PHACTR1: variants seen among roughly 807,000 people sequenced by gnomAD.
PHACTR1 encodes the protein RPEL repeat containing 1.
In PHACTR1, 16 loss-of-function variants were observed where a neutral mutation model predicts 69.2. That is an observed-to-expected ratio of 0.23 (90% CI 0.16 to 0.35). The LOEUF is 0.35. Among genes scored for constraint, PHACTR1 ranks in the 10% least tolerant of loss-of-function variants. The pLI is 1.00. For synonymous variants in PHACTR1, 312 were observed against 284.5 expected, an observed-to-expected ratio of 1.10 and a Z score of -0.97; for missense variants, 510 against 734.7, an observed-to-expected ratio of 0.69 and a Z score of 3.54.
chr6:12,728,669 C>A (rs766505137), intron 3 of PHACTR1, among the ~76,000 whole-genome samples: 1 of 152,032 alleles, frequency 6.6e-6, no homozygotes, highest in Non-Finnish European at 1.5e-5. Flanking sequence ...ATTAAATGAA[C>A]CATAGTTTCA....
rs532075887 is a variant in PHACTR1, at chr6:12,834,166, TTTAC to T, written c.250+84380_250+84383del. ...ATTCCCCTAAGATATTTGACAAGAC[TTTAC>T]TTATTCTTTCCATTGATGCGTATCA... On this transcript the variant is annotated intron_variant, in intron 4 of 14. Coordinates refer to ENST00000332995, the MANE Select transcript of PHACTR1 (RefSeq NM_030948.6). 1.2e-4 allele frequency among the ~76,000 whole-genome samples: 19 copies of T among 152,308 alleles called. No individual in the cohort carries two copies. In the South Asian group the frequency reaches 3.7e-3, roughly 30 times the overall value.
At chr6:13,065,548 A>G (rs1808495006) in intron 5 of PHACTR1, among the ~76,000 whole-genome samples, 1 of 152,144 alleles carries the variant, frequency 6.6e-6, no homozygotes, top group Non-Finnish European at 1.5e-5. Context: ...GTTGAGGAGT[A>G]AATGAGAGGA....
Position 12,905,293 on chromosome 6 carries a change from A to G in PHACTR1, c.251-148072A>G, listed in dbSNP as rs1417629414. Among the ~76,000 whole-genome samples the G allele has an allele frequency of 3.8e-4, 58 of 152,356 alleles. 2 individuals are homozygous for G. Among genetic ancestry groups the G allele is most frequent in the East Asian group, 3.9e-4 (2 of 5,190 alleles). ...AAACAACCACTGAAGCACATTTTCA[A>G]GGTAAGATCCATTGGAATGTATATT... is the stretch of plus-strand genomic sequence containing the variant. On this transcript the variant is annotated intron_variant, in intron 4 of 14. Transcript: ENST00000332995.
rs142291138 is a variant in PHACTR1 at position 13,190,524 on chromosome 6, T to G, written c.664+7838T>G. 2.8e-3 allele frequency among the ~76,000 whole-genome samples: 427 copies of G among 152,192 alleles called. 1 individual carries two copies. The highest frequency in any genetic ancestry group is 9.3e-3 in the African/African-American group (387 of 41,532). On this transcript the variant is annotated intron_variant, in intron 7 of 14. Coordinates refer to ENST00000332995, the MANE Select transcript of PHACTR1 (RefSeq NM_030948.6). ...TGACTCAAGGACAAAAATTATCTAG[T>G]TCTTCAAAAATTAGTCATATACTCA...
Position 12,933,696 on chromosome 6 carries a change from G to A in PHACTR1, c.251-119669G>A, listed in dbSNP as rs370177537. 54 of 1,612,698 alleles carry A rather than the reference G, an allele frequency of 3.3e-5. 1 individual carries two copies. The highest frequency in any genetic ancestry group is 2.3e-4 in the African/African-American group (17 of 74,922). ...GGACCAGCAGTGCCAACTCTTGGGC[G>A]TCCTCTTGGGCTCGAACTGTGTTCC... On this transcript the variant is annotated intron_variant, in intron 4 of 14. Coordinates refer to ENST00000332995, the MANE Select transcript of PHACTR1 (RefSeq NM_030948.6).
chr6:12,857,990 C>G (rs1561951407), intron 4 of PHACTR1, among the ~76,000 whole-genome samples: 2 of 152,106 alleles, frequency 1.3e-5, no homozygotes, highest in Non-Finnish European at 2.9e-5. Flanking sequence ...ATGCCAGATA[C>G]CGTTCCAGGC....
chr6:12,757,079 C>T (rs1364724457), intron 4 of PHACTR1, among the ~76,000 whole-genome samples: 1 of 152,066 alleles, frequency 6.6e-6, no homozygotes, highest in Admixed American at 6.6e-5. Flanking sequence ...TGTGTTAAGA[C>T]AAAAATGAAT....
chr6:13,155,686 G>T (rs182558232), intron 5 of PHACTR1, among the ~76,000 whole-genome samples: 1 of 152,014 alleles, frequency 6.6e-6, no homozygotes, highest in African/African-American at 2.4e-5. Context: ...TCAGGAGTTC[G>T]AGACCAGCCT....
chr6:13,263,343 G>T (rs1413000887), intron 10 of PHACTR1, among the ~76,000 whole-genome samples: 1 of 126,192 alleles, frequency 7.9e-6, no homozygotes, highest in African/African-American at 3.1e-5. Flanking sequence ...TGTTCAGACT[G>T]AAAAAAAAAA....
chr6:13,088,415 CTGGGAGAAATT>C (rs763476045), intron 5 of PHACTR1, among the ~76,000 whole-genome samples: 38 of 151,998 alleles, frequency 2.5e-4, no homozygotes, highest in Non-Finnish European at 5.0e-4. Flanking sequence ...ATCTTGCCAC[CTGGGAGAAATT>C]TGATTCTCCC....
At chr6:13,172,532 A>G (rs1760763255) in intron 6 of PHACTR1, among the ~76,000 whole-genome samples, 1 of 152,216 alleles carries the variant, frequency 6.6e-6, no homozygotes, top group African/African-American at 2.4e-5. Context: ...CATGAGGTGC[A>G]GTCAGAGGCA....
At chr6:12,882,537 A>T (rs977644103) in intron 4 of PHACTR1, among the ~76,000 whole-genome samples, 2 of 152,238 alleles carry the variant, frequency 1.3e-5, no homozygotes, top group African/African-American at 4.8e-5. Context: ...AAATGTTTTC[A>T]TCTGTTTAAA....
At chr6:12,801,438 G>T (rs905271270) in intron 4 of PHACTR1, among the ~76,000 whole-genome samples, 1 of 152,080 alleles carries the variant, frequency 6.6e-6, no homozygotes, top group African/African-American at 2.4e-5. Context: ...AAGAATGTAG[G>T]CAAACTAGAG....
Position 12,910,617 on chromosome 6 carries a change from A to C in PHACTR1, c.251-142748A>C, listed in dbSNP as rs980320184. Reference sequence around the variant, plus strand: ...CAAGGATCCAGTTGCAGCTTTGTTCATCAGCACCATGAGCACGTACATATT... The same window carrying C: ...CAAGGATCCAGTTGCAGCTTTGTTCCTCAGCACCATGAGCACGTACATATT... On this transcript the variant is annotated intron_variant, in intron 4 of 14. Coordinates refer to ENST00000332995, the MANE Select transcript of PHACTR1 (RefSeq NM_030948.6). Among the ~76,000 whole-genome samples the C allele has an allele frequency of 2.0e-5, 3 of 152,220 alleles. No individual in the cohort carries two copies. The South Asian group carries it at 6.2e-4, about 32-fold the overall frequency.
chr6:13,054,761 G>A (rs1190406568), intron 5 of PHACTR1, among the ~76,000 whole-genome samples: 1 of 152,192 alleles, frequency 6.6e-6, no homozygotes, highest in Non-Finnish European at 1.5e-5. Flanking sequence ...CATGGGGAGT[G>A]AGGGTTGCAA....
chr6:12,976,941 G>T (rs1461700188), intron 4 of PHACTR1, among the ~76,000 whole-genome samples: 2 of 152,142 alleles, frequency 1.3e-5, no homozygotes, highest in African/African-American at 2.4e-5. Context: ...AAAAAACATA[G>T]TATGTATAGG....
At chr6:13,218,778 AAGAAGAAGAAGAAGGAGGAGG>A (rs1383963509) in intron 8 of PHACTR1, among the ~76,000 whole-genome samples, 1 of 150,172 alleles carries the variant, frequency 6.7e-6, no homozygotes, top group African/African-American at 2.5e-5. Context: ...ATTTAAAAAG[AAGAAGAAGAAGAAGGAGGAGG>A]AGAAGAAGAA....
chr6:12,927,502 A>G (rs780492909), intron 4 of PHACTR1, among the ~76,000 whole-genome samples: 1 of 152,374 alleles, frequency 6.6e-6, no homozygotes, highest in South Asian at 2.1e-4. Flanking sequence ...TTGCCACATT[A>G]AGCCTATCAA....
chr6:13,027,448 T>G (rs1801853420), intron 4 of PHACTR1, among the ~76,000 whole-genome samples: 1 of 152,162 alleles, frequency 6.6e-6, no homozygotes, highest in Admixed American at 6.5e-5. Flanking sequence ...TCCATGTTAC[T>G]GCAACAGAAA....
Sources: gnomAD v4.1 joint callset for allele counts (sites outside exome capture counted in the v4.1 genomes callset) on GRCh38, gnomAD v4.1.1 for gene constraint, MANE v1.5 for transcripts, NCBI Gene and HGNC (gene_info 2026-07-23, HGNC 2026-07-21) for gene names.